GRIK4: variants seen among roughly 807,000 people sequenced by gnomAD.
The protein encoded by GRIK4 is glutamate ionotropic receptor kainate type subunit 4.
Under a neutral mutation model 104.9 loss-of-function variants are expected in GRIK4, and 40 were observed. The observed-to-expected ratio is 0.38, with a 90% CI of 0.30 to 0.50. The LOEUF is 0.50. GRIK4 is among the 20% of genes least tolerant of loss of function. GRIK4 has a pLI of 0.93. For synonymous variants in GRIK4, 485 were observed against 524.9 expected (o/e 0.92, Z 1.04); for missense variants, 1,047 against 1,308.1 (o/e 0.80, Z 3.08).
rs1424514623 is a variant in GRIK4, at chr11:120,511,904, C to G, written c.-159+17C>G. 6.1e-6 allele frequency: 1 copy of G among 163,422 alleles called. No individual in the cohort carries two copies. The highest frequency in any genetic ancestry group is 1.4e-4 in the South Asian group (1 of 7,186). The allele number at this position is 163,422 out of a possible 1,614,324, so 10.1% of individuals were successfully genotyped here. On this transcript the variant is annotated intron_variant, in intron 1 of 20. Transcript: ENST00000527524. ...GCCGACCAGGTAAGGGCAGCGGCCC[C>G]CCGCGGCGCCCCCGGCCCGCTCCCT...
intron 11 of GRIK4, among the ~76,000 whole-genome samples, chr11:120,877,742 G>A (rs774727633): frequency 3.3e-5 from 5 of 152,172 alleles, no homozygotes; most frequent in African/African-American, 7.2e-5. Context: ...ACGGGGAAAG[G>A]AGAAGGGGGT....
intron 1 of GRIK4, among the ~76,000 whole-genome samples, chr11:120,578,464 C>T (rs554675203): frequency 6.6e-6 from 1 of 152,292 alleles, no homozygotes; most frequent in South Asian, 2.1e-4. Context: ...CATGCATGAC[C>T]TCTGTGAGGT....
intron 3 of GRIK4, among the ~76,000 whole-genome samples, chr11:120,726,704 A>T (rs1013750759): frequency 6.6e-6 from 1 of 152,194 alleles, no homozygotes; most frequent in African/African-American, 2.4e-5. Context: ...TGAGACATCT[A>T]TTAGACATAG....
chr11:120,617,093 C>T (rs527826875), intron 1 of GRIK4, among the ~76,000 whole-genome samples: 7 of 152,278 alleles, frequency 4.6e-5, no homozygotes, highest in South Asian at 2.1e-4. Flanking sequence ...CAAAGTGTTA[C>T]GTGTAAGTAG....
chr11:120,728,631 GTACATAGTAGGTGTA>G (rs1272850122), intron 3 of GRIK4, among the ~76,000 whole-genome samples: 1 of 151,922 alleles, frequency 6.6e-6, no homozygotes, highest in Non-Finnish European at 1.5e-5. Flanking sequence ...ATTTTTGTGG[GTACATAGTAGGTGTA>G]TATATTTATG....
At chr11:120,970,256 G>T (rs1015879581) in intron 19 of GRIK4, among the ~76,000 whole-genome samples, 9 of 152,184 alleles carry the variant, frequency 5.9e-5, no homozygotes, top group Admixed American at 5.9e-4. Context: ...GTGTGGTGGT[G>T]CAGAGGTGCT....
At chr11:120,931,835 T>C (rs1357464776) in intron 13 of GRIK4, among the ~76,000 whole-genome samples, 1 of 152,184 alleles carries the variant, frequency 6.6e-6, no homozygotes, top group Non-Finnish European at 1.5e-5. Flanking sequence ...TGCTGTCTGG[T>C]TCATTGCATC....
At chr11:120,539,303 GGT>G (rs1948008583) in intron 1 of GRIK4, among the ~76,000 whole-genome samples, 1 of 152,196 alleles carries the variant, frequency 6.6e-6, no homozygotes, top group Non-Finnish European at 1.5e-5. Context: ...GCGAAGAACA[GGT>G]CTGGCAAATC....
intron 1 of GRIK4, among the ~76,000 whole-genome samples, chr11:120,548,305 G>A (rs532467071): frequency 1.0e-3 from 156 of 152,188 alleles, no homozygotes; most frequent in Non-Finnish European, 1.7e-3. Flanking sequence ...TTTGGGGGTG[G>A]GGTAGTCAAG....
chr11:120,844,504 T>C (rs1158078766), intron 8 of GRIK4, among the ~76,000 whole-genome samples: 1 of 152,126 alleles, frequency 6.6e-6, no homozygotes, highest in Non-Finnish European at 1.5e-5. Flanking sequence ...ATTGTATGAG[T>C]GAAGGGAGCA....
chr11:120,956,900 A>G lies in GRIK4; in HGVS notation c.1821A>G (p.Gln607=), dbSNP rs644057. 1,139,420 of 1,613,278 alleles carry G rather than the reference A, an allele frequency of 0.71. 409,218 individuals carry two copies. The highest frequency in any genetic ancestry group is 1 in the East Asian group (44,708 of 44,870). The change falls in exon 16 of 21, where the codon CAA becomes CAG. Residue 607 remains glutamine (Q), a synonymous_variant. Coordinates refer to ENST00000527524, the MANE Select transcript of GRIK4 (RefSeq NM_014619.5). This position sits in a 1 kb window ranked among gnomAD's most constrained non-coding sequence, Gnocchi z 4.6. ...LWFPVGGFMQ[Q]GSTIAPRALS... ...TTCCGGTCGGGGGGTTCATGCAGCA[A>G]GGCTCCACCATCGCCCCTCGCGCCT...
intron 3 of GRIK4, among the ~76,000 whole-genome samples, chr11:120,664,918 C>G (rs1340944056): frequency 1.3e-5 from 2 of 152,140 alleles, no homozygotes; most frequent in African/African-American, 4.8e-5. Flanking sequence ...AATTGAATCT[C>G]TCTTGTTTAA....
chr11:120,864,453 G>A (rs898192720), intron 9 of GRIK4, among the ~76,000 whole-genome samples: 2 of 152,040 alleles, frequency 1.3e-5, no homozygotes, highest in African/African-American at 4.8e-5. Context: ...TGTTAGCCAG[G>A]AGTGTCTCGA....
At chr11:120,616,767 A>G (rs781137332) in intron 1 of GRIK4, among the ~76,000 whole-genome samples, 5 of 152,234 alleles carry the variant, frequency 3.3e-5, no homozygotes, top group East Asian at 1.9e-4. Context: ...CTCAGATTTT[A>G]CAAGATAACC....
chr11:120,787,706 A>G (rs896322779), intron 3 of GRIK4, among the ~76,000 whole-genome samples: 16 of 151,570 alleles, frequency 1.1e-4, no homozygotes, highest in African/African-American at 3.9e-4. Context: ...CACGTGATCC[A>G]CCTGCCTTGG....
At chr11:120,797,331 T>C (rs1952539380) in intron 3 of GRIK4, among the ~76,000 whole-genome samples, 1 of 152,180 alleles carries the variant, frequency 6.6e-6, no homozygotes, top group African/African-American at 2.4e-5. Flanking sequence ...AGCTGGGGAC[T>C]CGGAGCGTCC....
rs1944397698 is a variant in GRIK4, at chr11:120,967,149, AG to A, written c.2267-43del. 6.3e-7 allele frequency: 1 copy of A among 1,581,822 alleles called. No homozygotes were observed. The highest frequency in any genetic ancestry group is 1.3e-5 in the African/African-American group (1 of 74,204). Reference sequence around the variant, plus strand: ...GAAGGGGAGCAGAGTGACACCTAACAGGGCATTCACAACCTGTGTCCTGGGC... The same window carrying A: ...GAAGGGGAGCAGAGTGACACCTAACAGGCATTCACAACCTGTGTCCTGGGC... On this transcript the variant is annotated intron_variant, in intron 18 of 20. Transcript: ENST00000527524. This position sits in a 1 kb window ranked among gnomAD's most constrained non-coding sequence, Gnocchi z 4.2.
intron 1 of GRIK4, among the ~76,000 whole-genome samples, chr11:120,623,429 G>T (rs886627298): frequency 2.6e-5 from 4 of 151,920 alleles, no homozygotes; most frequent in Admixed American, 1.3e-4. Flanking sequence ...CACCGCACCC[G>T]GCCCCCTGTA....
intron 1 of GRIK4, among the ~76,000 whole-genome samples, chr11:120,640,866 G>T (rs1378288079): frequency 2.0e-5 from 3 of 152,130 alleles, no homozygotes; most frequent in Non-Finnish European, 4.4e-5. Context: ...ATGCCACCAT[G>T]CCCAGCTAAG....
Sources: gnomAD v4.1 joint callset for allele counts (sites outside exome capture counted in the v4.1 genomes callset) on GRCh38, gnomAD v4.1.1 for gene constraint, Gnocchi (gnomAD v3.1) non-coding constraint, MANE v1.5 for transcripts, NCBI Gene and HGNC (gene_info 2026-07-23, HGNC 2026-07-21) for gene names.